Variants in STAT5B observed in about 807,000 individuals in gnomAD.
The protein encoded by STAT5B is transcription factor STAT5B.
A neutral mutation model predicts 107.8 loss-of-function variants in STAT5B; 21 were observed. The ratio of observed to expected loss-of-function variants is 0.19; its 90% CI spans 0.14 to 0.28. The LOEUF is 0.28. Ranked by LOEUF, STAT5B falls within the 10% of genes least tolerant of loss-of-function variation. The pLI is 1.00. For synonymous variants in STAT5B, 325 were observed against 401.7 expected, an observed-to-expected ratio of 0.81 and a Z score of 2.28; for missense variants, 565 against 1,008.2, an observed-to-expected ratio of 0.56 and a Z score of 5.95.
In STAT5B at chr17:42,199,416, A is replaced by G. The variant is rs1280392773; in HGVS notation, c.*2322T>C. The stretch of plus-strand genomic sequence containing the variant: ...AAAGTATACTTTCATTTTAAGTTAT[A>G]TTCGATTTTAGTCTCCCCCTACCCC... On this transcript the variant is annotated 3_prime_UTR_variant, in exon 19 of 19. Coordinates refer to ENST00000293328, the MANE Select transcript of STAT5B (RefSeq NM_012448.4). 1 of 152,320 alleles carries G rather than the reference A, an allele frequency of 6.6e-6. No individual in the cohort carries two copies. Among genetic ancestry groups the G allele is most frequent in the Admixed American group, 6.5e-5 (1 of 15,276 alleles). 9.4% of individuals were successfully genotyped at this position (152,320 alleles called of 1,614,324 possible).
Position 42,227,648 on chromosome 17 carries a change from T to C in STAT5B, c.166A>G (p.Lys56Glu). The C allele has an allele frequency of 6.2e-7, 1 of 1,614,114 alleles. No homozygotes were observed. The highest frequency in any genetic ancestry group is 8.5e-7 in the Non-Finnish European group (1 of 1,180,006). ...AGGCCCTCCAGGAGCTGGGTGGCCT[T>C]AATGTTCTCCTGTGGATTATCAAGA... is the stretch of plus-strand genomic sequence containing the variant. ...VDLDNPQENI[K>E]ATQLLEGLVQ... Residue 56 changes from lysine (K) to glutamate (E), a missense_variant, in exon 3 of 19, where the codon AAG becomes GAG. By Grantham distance (56) the Lys-to-Glu change is moderately conservative. Around this residue, in one of 11 missense-constraint regions of STAT5B, gnomAD observed 83 missense variants for 145.1 expected, o/e 0.57. Coordinates refer to ENST00000293328, the MANE Select transcript of STAT5B (RefSeq NM_012448.4).
At chr17:42,250,245 G>A (rs1286772127) in intron 1 of STAT5B, among the ~76,000 whole-genome samples, 1 of 152,152 alleles carries the variant, frequency 6.6e-6, no homozygotes, top group Non-Finnish European at 1.5e-5. Context: ...GGCTTTTTGT[G>A]AGACAAGCTC....
chr17:42,283,310 C>T, the STAT5B span, among the ~76,000 whole-genome samples: 1 of 152,224 alleles, frequency 6.6e-6, no homozygotes, highest in African/African-American at 2.4e-5. Context: ...GCCCTCTCTC[C>T]TCTCTCCAGG....
chr17:42,240,892 T>C (rs1461942825), intron 1 of STAT5B, among the ~76,000 whole-genome samples: 1 of 152,238 alleles, frequency 6.6e-6, no homozygotes, highest in Non-Finnish European at 1.5e-5. Context: ...TGAGGGGCTC[T>C]GATTTTGGCA....
chr17:42,201,758 T>C lies in STAT5B; in HGVS notation c.2344A>G (p.Ile782Val). ...LLGRPMDSQWIPHAQS is the reference protein window; with the variant it reads ...LLGRPMDSQWVPHAQS ...CGGGGTCACGATTGTGCGTGCGGGA[T>C]CCACTGACTGTCCATTGGCCGGCCC... Residue 782 changes from isoleucine (I) to valine (V), a missense_variant, in exon 19 of 19, where the codon ATC (isoleucine) becomes GTC (valine). This residue lies in a region of STAT5B where 76 missense variants were observed against 110.2 expected (regional missense o/e 0.69). Transcript: ENST00000293328. 6.2e-7 allele frequency: 1 copy of C among 1,612,570 alleles called. No individual in the cohort carries two copies. Among genetic ancestry groups the C allele is most frequent in the East Asian group, 2.2e-5 (1 of 44,866 alleles).
chr17:42,220,825 G>A (rs1388867473), intron 5 of STAT5B, among the ~76,000 whole-genome samples: 2 of 152,128 alleles, frequency 1.3e-5, no homozygotes, highest in African/African-American at 4.8e-5. Flanking sequence ...CACAGGGAAC[G>A]TGGAACACAG....
intron 9 of STAT5B, 65 bp from the exon 10 acceptor site, chr17:42,217,529 A>C: frequency 6.3e-7 from 1 of 1,580,522 alleles, no homozygotes; most frequent in Non-Finnish European, 8.7e-7. Flanking sequence ...GGAGTAAATA[A>C]TATAATTTGG....
chr17:42,241,842 C>T (rs764992361), intron 1 of STAT5B, among the ~76,000 whole-genome samples: 7 of 152,016 alleles, frequency 4.6e-5, no homozygotes, highest in African/African-American at 1.7e-4. Context: ...AGTAAGAAGG[C>T]TATCACATCT....
intron 1 of STAT5B, among the ~76,000 whole-genome samples, chr17:42,232,779 T>C (rs750903241): frequency 2.6e-5 from 4 of 152,044 alleles, no homozygotes; most frequent in Non-Finnish European, 5.9e-5. Context: ...TTCTTTACTT[T>C]TGTTCAAAAT....
the STAT5B span, among the ~76,000 whole-genome samples, chr17:42,285,993 G>T: frequency 9.2e-5 from 14 of 152,126 alleles, no homozygotes; most frequent in African/African-American, 3.4e-4. Flanking sequence ...GCCGAGGCGG[G>T]TGGATCACCT....
intron 16 of STAT5B, chr17:42,203,082 C>T: frequency 2.1e-6 from 1 of 465,716 alleles, no homozygotes; most frequent in East Asian, 4.4e-5. Flanking sequence ...AGCTGGATTA[C>T]AGGTACACCA....
At chr17:42,263,816 T>G (rs1309276565) in intron 1 of STAT5B, among the ~76,000 whole-genome samples, 1 of 151,734 alleles carries the variant, frequency 6.6e-6, no homozygotes, top group Non-Finnish European at 1.5e-5. Context: ...CATGAGTCAC[T>G]GTGCCCAGCC....
chr17:42,225,028 TTGCA>T (rs2080261491), intron 3 of STAT5B, among the ~76,000 whole-genome samples, 160 bp from the exon 4 acceptor site: 1 of 152,074 alleles, frequency 6.6e-6, no homozygotes, highest in Admixed American at 6.5e-5. Flanking sequence ...GGAAATCCAA[TTGCA>T]GTGAAAAGGT....
At chr17:42,236,092 T>C (rs761147305) in intron 1 of STAT5B, among the ~76,000 whole-genome samples, 9 of 152,320 alleles carry the variant, frequency 5.9e-5, no homozygotes, top group Non-Finnish European at 1.0e-4. Context: ...GTTATGAACA[T>C]GCCATAATAA....
intron 16 of STAT5B, among the ~76,000 whole-genome samples, chr17:42,203,518 G>T (rs1272577272): frequency 1.3e-5 from 2 of 152,164 alleles, no homozygotes; most frequent in Non-Finnish European, 2.9e-5. Context: ...GGAGGGGCAG[G>T]TCATAAGAGG....
chr17:42,254,771 T>C lies in STAT5B; in HGVS notation c.-11+21477A>G, dbSNP rs189001227. On this transcript the variant is annotated intron_variant, in intron 1 of 18. Coordinates refer to ENST00000293328, the MANE Select transcript of STAT5B (RefSeq NM_012448.4). ...GGAAAAGTAGGGAGAAAGGAAGATG[T>C]AATGAGAATAGAAAATTTTTAAAAA... Among the ~76,000 whole-genome samples, 160 of 151,970 alleles carry C rather than the reference T, an allele frequency of 1.1e-3. 1 individual carries two copies. In the Middle Eastern group the frequency reaches 0.014, roughly 13 times the overall value.
chr17:42,231,932 T>G (rs2080320797), intron 2 of STAT5B, 68 bp downstream of exon 2: 2 of 1,599,840 alleles, frequency 1.3e-6, no homozygotes, highest in South Asian at 2.2e-5. Context: ...CATCATGACA[T>G]CTTTCTAAAC....
Position 42,232,899 on chromosome 17 carries a change from T to C in STAT5B, c.-10-762A>G, listed in dbSNP as rs958263006. Among the ~76,000 whole-genome samples, 3 of 150,022 alleles carry C rather than the reference T, an allele frequency of 2.0e-5. No individual in the cohort carries two copies. The Admixed American group carries it at 2.0e-4, about 10-fold the overall frequency. ...CTCTGTTGCCCAGACTGGAGGGCAG[T>C]GGCAAGATCTCGGCTCACTGCAACC... On this transcript the variant is annotated intron_variant, in intron 1 of 18. Coordinates refer to ENST00000293328, the MANE Select transcript of STAT5B (RefSeq NM_012448.4).
upstream of STAT5B, among the ~76,000 whole-genome samples, chr17:42,278,794 T>TA (rs1266330048): frequency 6.6e-6 from 1 of 151,762 alleles, no homozygotes; most frequent in Non-Finnish European, 1.5e-5. Flanking sequence ...GCCTGGCCAA[T>TA]ATGTTGAAAC....
Sources: allele counts gnomAD v4.1 joint callset (sites outside exome capture counted in the v4.1 genomes callset), GRCh38; gene constraint gnomAD v4.1.1; regional missense constraint gnomAD v4.1.1; transcripts MANE v1.5; gene names NCBI Gene and HGNC (gene_info 2026-07-23, HGNC 2026-07-21).